The following ETF1 variants were observed in gnomAD, a reference collection of about 807,000 sequenced individuals.
The protein encoded by ETF1 is eukaryotic translation termination factor 1.
ETF1 carries 4 observed loss-of-function variants against 55.1 expected under a neutral mutation model. That is an observed-to-expected ratio of 0.07 (90% CI 0.04 to 0.17). The LOEUF (loss-of-function observed/expected upper bound fraction) is 0.17. Ranked by LOEUF, ETF1 falls within the 10% of genes least tolerant of loss-of-function variation. The pLI is 1.00. For synonymous variants in ETF1, 157 were observed against 182.3 expected (o/e 0.86, Z 1.12); for missense variants, 142 against 523.6 (o/e 0.27, Z 7.11).
At chr5:138,538,109 C>T (rs1351219280) in intron 2 of ETF1, among the ~76,000 whole-genome samples, 11 of 148,862 alleles carry the variant, frequency 7.4e-5, no homozygotes, top group Non-Finnish European at 8.9e-5. Flanking sequence ...AGGCTGGTCT[C>T]AAACTCCTGA....
At chr5:138,541,447 A>G in intron 2 of ETF1, 1 of 1,151,470 alleles carries the variant, frequency 8.7e-7, no homozygotes, top group South Asian at 1.3e-5. Context: ...GAATGGGGCC[A>G]AACTTTTAGA....
chr5:138,534,849 T>C (rs977148252), intron 2 of ETF1, among the ~76,000 whole-genome samples: 1 of 152,176 alleles, frequency 6.6e-6, no homozygotes, highest in African/African-American at 2.4e-5. Flanking sequence ...ACTCCCTGTA[T>C]GTACTTTAAT....
intron 2 of ETF1, among the ~76,000 whole-genome samples, chr5:138,524,921 T>C (rs1047183973): frequency 7.2e-5 from 11 of 152,002 alleles, no homozygotes; most frequent in South Asian, 2.1e-4. Flanking sequence ...CCTTTTTTTT[T>C]CTTTTTTACA....
Position 138,512,250 on chromosome 5 carries a change from ATATATATATTTTTTT to A in ETF1, c.732+499_732+513del, listed in dbSNP as rs1211478054. The stretch of plus-strand genomic sequence containing the variant: ...AATATATATATATATATATATATAT[ATATATATATTTTTTT>A]TTTTTTTTAAAGGCAATTTCTTTGG... On this transcript the variant is annotated intron_variant, in intron 6 of 10. Transcript: ENST00000360541. Among the ~76,000 whole-genome samples the A allele has an allele frequency of 5.1e-4, 6 of 11,856 alleles. No homozygotes were observed. In the South Asian group the frequency reaches 0.012, roughly 24 times the overall value. 7.8% of individuals were successfully genotyped at this position (11,856 alleles called of 152,430 possible).
chr5:138,534,965 CTTTTTTT>C, intron 2 of ETF1, among the ~76,000 whole-genome samples: 1 of 126,352 alleles, frequency 7.9e-6, no homozygotes, highest in African/African-American at 3.1e-5. Context: ...AAACTAGTTT[CTTTTTTT>C]TTTTTTTTTT....
At chr5:138,513,806 C>T in intron 4 of ETF1, 100 bp from the exon 5 acceptor site, 2 of 1,357,260 alleles carry the variant, frequency 1.5e-6, no homozygotes, top group South Asian at 1.8e-5. Context: ...CTCCACTCAC[C>T]ATGCTATTAG....
intron 6 of ETF1, 127 bp downstream of exon 6, chr5:138,512,636 GT>G: frequency 1.4e-6 from 1 of 727,816 alleles, no homozygotes; most frequent in Non-Finnish European, 2.1e-6. Flanking sequence ...TAAACCTGCT[GT>G]TTAACTCAGA....
intron 2 of ETF1, among the ~76,000 whole-genome samples, chr5:138,539,475 G>A (rs936505183): frequency 6.6e-6 from 1 of 152,172 alleles, no homozygotes; most frequent in African/African-American, 2.4e-5. Flanking sequence ...GCATATACCA[G>A]GAGCAATCAT....
chr5:138,533,641 G>A (rs71596575), intron 2 of ETF1, among the ~76,000 whole-genome samples: 13,716 of 152,106 alleles, frequency 0.09, 818 homozygotes, highest in South Asian at 0.24. Context: ...AGCCAAGATC[G>A]CACCACTGCA....
chr5:138,534,982 T>C (rs574878214), intron 2 of ETF1, among the ~76,000 whole-genome samples: 18 of 151,590 alleles, frequency 1.2e-4, no homozygotes, highest in Admixed American at 1.0e-3. Flanking sequence ...TTTTTTTTTT[T>C]TGAGACAGAG....
intron 2 of ETF1, among the ~76,000 whole-genome samples, chr5:138,537,109 T>C (rs1486905824): frequency 2.0e-5 from 3 of 152,162 alleles, no homozygotes; most frequent in African/African-American, 7.2e-5. Context: ...CAACGGCTGT[T>C]AGGACTAGTT....
chr5:138,518,897 T>C, intron 2 of ETF1, 30 bp from the exon 3 acceptor site: 2 of 1,605,416 alleles, frequency 1.2e-6, no homozygotes, highest in Non-Finnish European at 1.7e-6. Context: ...TCATTAGGGA[T>C]TTAAATATCA....
intron 9 of ETF1, among the ~76,000 whole-genome samples, 178 bp downstream of exon 9, chr5:138,510,387 A>AAAAAAAAAAAAAAAAAAAAAG (rs1672078659): frequency 7.9e-6 from 1 of 126,096 alleles, no homozygotes; most frequent in African/African-American, 2.9e-5. Flanking sequence ...AAAAAAAAAA[A>AAAAAAAAAAAAAAAAAAAAAG]AGCTGCAGCT....
rs1336676393 is a variant in ETF1, at chr5:138,526,723, T to C, written c.87-7856A>G. ...AACAGCTATTGTTTTTTTTTTGAGA[T>C]GGAGTCTCGCTCTGCTGCCCAGGCT... is the stretch of plus-strand genomic sequence containing the variant. On this transcript the variant is annotated intron_variant, in intron 2 of 10. Coordinates refer to ENST00000360541, the MANE Select transcript of ETF1 (RefSeq NM_004730.4). 4.0e-5 allele frequency among the ~76,000 whole-genome samples: 6 copies of C among 151,700 alleles called. No homozygotes were observed. The East Asian group carries it at 1.2e-3, about 29-fold the overall frequency.
At chr5:138,523,277 G>C (rs754892721) in intron 2 of ETF1, among the ~76,000 whole-genome samples, 7 of 152,164 alleles carry the variant, frequency 4.6e-5, no homozygotes, top group Non-Finnish European at 1.0e-4. Context: ...TGAGGCAGGA[G>C]AATCGCTTGA....
Position 138,518,711 on chromosome 5 carries a change from T to C in ETF1, c.243A>G (p.Arg81=). The C allele has an allele frequency of 6.2e-7, 1 of 1,612,636 alleles. No homozygotes were observed. The highest frequency in any genetic ancestry group is 1.3e-5 in the African/African-American group (1 of 74,938). Residue 81 remains arginine, a synonymous_variant, in exon 3 of 11, where the codon AGA becomes AGG. Coordinates refer to ENST00000360541, the MANE Select transcript of ETF1 (RefSeq NM_004730.4). ...GATTACCTTTGTTATAAAGTTTGAG[T>C]CTTTGTTGTACAGATGTAATGGCTC... ...VLGAITSVQQ[R]LKLYNKVPPN...
chr5:138,532,495 G>A (rs576926459), intron 2 of ETF1, among the ~76,000 whole-genome samples: 4 of 152,282 alleles, frequency 2.6e-5, no homozygotes, highest in Non-Finnish European at 5.9e-5. Context: ...GTAATGAGAT[G>A]GAGCTCTAGT....
intron 9 of ETF1, chr5:138,509,064 T>C (rs1340785163): frequency 2.0e-6 from 2 of 985,152 alleles, no homozygotes; most frequent in African/African-American, 3.5e-5. Context: ...ACACAAAAAC[T>C]CAGTGGGTAT....
chr5:138,508,391 G>C lies in ETF1; in HGVS notation c.1232-4C>G. On this transcript the variant is annotated splice_region_variant and splice_polypyrimidine_tract_variant and intron_variant, in intron 10 of 10. Transcript: ENST00000360541. ...TCTACTCGGTACCGCAAGATACCTG[G>C]GGAAACAAACCAAAAGGTAAATTAC... The C allele has an allele frequency of 1.2e-6, 2 of 1,613,728 alleles. No individual in the cohort carries two copies. Among genetic ancestry groups the C allele is most frequent in the South Asian group, 1.1e-5 (1 of 90,990 alleles).
Sources: allele counts gnomAD v4.1 joint callset (sites outside exome capture counted in the v4.1 genomes callset), GRCh38; gene constraint gnomAD v4.1.1; transcripts MANE v1.5; gene names NCBI Gene and HGNC (gene_info 2026-07-23, HGNC 2026-07-21).